TNS3: variants seen among roughly 807,000 people sequenced by gnomAD.
TNS3 encodes tensin 3.
Under a neutral mutation model 140.9 loss-of-function variants are expected in TNS3, and 45 were observed. The ratio of observed to expected loss-of-function variants is 0.32; its 90% confidence interval spans 0.25 to 0.41. TNS3 has a LOEUF of 0.41. Ranked by LOEUF, TNS3 falls within the 10% of genes least tolerant of loss-of-function variation. The probability of loss-of-function intolerance (pLI) is 1.00; values close to 1 mark genes in which losing one functional copy is unlikely to be tolerated. For missense variants in TNS3, 1,716 were observed against 1,906.7 expected, an observed-to-expected ratio of 0.90 and a Z score of 1.86; for synonymous variants, 815 against 788.4, an observed-to-expected ratio of 1.03 and a Z score of -0.56.
intron 4 of TNS3, among the ~76,000 whole-genome samples, chr7:47,443,828 C>T (rs1795588573): frequency 6.6e-6 from 1 of 151,996 alleles, no homozygotes; most frequent in Non-Finnish European, 1.5e-5. Flanking sequence ...GGCTGAGGCA[C>T]AAGAATCACT....
At chr7:47,501,111 G>A (rs1798199173) in intron 3 of TNS3, among the ~76,000 whole-genome samples, 1 of 144,076 alleles carries the variant, frequency 6.9e-6, no homozygotes, top group Non-Finnish European at 1.5e-5. Context: ...GAGAAAGGGA[G>A]AAAGGGAGAA....
intron 17 of TNS3, among the ~76,000 whole-genome samples, chr7:47,361,442 G>T (rs551346392): frequency 6.6e-6 from 1 of 152,208 alleles, no homozygotes; most frequent in African/African-American, 2.4e-5. Flanking sequence ...ACAAGGCCTG[G>T]CTGAGAGGCT....
chr7:47,519,981 A>G (rs1798914717), intron 2 of TNS3, among the ~76,000 whole-genome samples: 1 of 150,324 alleles, frequency 6.7e-6, no homozygotes, highest in African/African-American at 2.4e-5. Flanking sequence ...CCGCCACCAC[A>G]CCTGCTAATT....
intron 3 of TNS3, among the ~76,000 whole-genome samples, chr7:47,503,423 C>T (rs1798300321): frequency 6.6e-6 from 1 of 152,060 alleles, no homozygotes; most frequent in Admixed American, 6.5e-5. Context: ...ATTTCTCCTA[C>T]TTCTTTTTTC....
intron 20 of TNS3, among the ~76,000 whole-genome samples, chr7:47,311,676 T>C (rs1246536551): frequency 1.3e-5 from 2 of 152,026 alleles, no homozygotes; most frequent in African/African-American, 4.8e-5. Context: ...TGAGAAATGA[T>C]TCTTAAAAAT....
chr7:47,301,854 C>A (rs938461449), intron 23 of TNS3, among the ~76,000 whole-genome samples: 1 of 152,164 alleles, frequency 6.6e-6, no homozygotes, highest in Non-Finnish European at 1.5e-5. Flanking sequence ...GAGTGTGTCT[C>A]CTCCTCACAG....
chr7:47,311,438 G>A (rs923744542), intron 20 of TNS3, among the ~76,000 whole-genome samples: 1 of 132,914 alleles, frequency 7.5e-6, no homozygotes, highest in Non-Finnish European at 1.6e-5. Flanking sequence ...GTGTGTGTGT[G>A]TATACATATA....
chr7:47,422,133 T>C (rs1794405573), intron 10 of TNS3, among the ~76,000 whole-genome samples: 1 of 152,210 alleles, frequency 6.6e-6, no homozygotes, highest in Admixed American at 6.5e-5. Flanking sequence ...TTGGTGAGCA[T>C]CTTTTCATGC....
chr7:47,327,724 C>T (rs1215740760), intron 20 of TNS3, among the ~76,000 whole-genome samples: 2 of 152,176 alleles, frequency 1.3e-5, no homozygotes, highest in African/African-American at 4.8e-5. Context: ...AAAGCCTTGG[C>T]GACTTGAGAA....
In TNS3 at chr7:47,448,549, G is replaced by A. The variant is rs541542560; in HGVS notation, c.-75-6494C>T. Among the ~76,000 whole-genome samples the A allele has an allele frequency of 4.2e-4, 61 of 146,004 alleles. No homozygotes were observed. The South Asian group carries it at 6.6e-3, about 16-fold the overall frequency. ...GGCTGGAATGGAGTGGCACGATCTC[G>A]GCTCACTGCAACCTCTGCCTCCTGG... On this transcript the variant is annotated intron_variant, in intron 4 of 30. Coordinates refer to ENST00000311160, the MANE Select transcript of TNS3 (RefSeq NM_022748.12).
chr7:47,546,237 A>ATGAGGCGC (rs1209092589), intron 1 of TNS3, among the ~76,000 whole-genome samples: 1 of 152,192 alleles, frequency 6.6e-6, no homozygotes, highest in East Asian at 1.9e-4. Flanking sequence ...AAAGCTTCTA[A>ATGAGGCGC]TGAGGCGCTG....
intron 1 of TNS3, among the ~76,000 whole-genome samples, chr7:47,557,729 ACCACC>A (rs1432853407): frequency 6.6e-6 from 1 of 152,152 alleles, no homozygotes; most frequent in Non-Finnish European, 1.5e-5. Context: ...TTTAACCATC[ACCACC>A]ACTGGGGTGG....
chr7:47,570,712 C>T (rs1052608022), intron 1 of TNS3, among the ~76,000 whole-genome samples: 1 of 152,240 alleles, frequency 6.6e-6, no homozygotes, highest in African/African-American at 2.4e-5. Context: ...ATTGGGAGGC[C>T]AGCCCCTGGC....
At chr7:47,413,815 T>C in intron 12 of TNS3, 122 bp downstream of exon 12, 1 of 1,242,014 alleles carries the variant, frequency 8.1e-7, no homozygotes, top group South Asian at 1.4e-5. Context: ...CTTTGGCTTC[T>C]TGGCATTCTC....
chr7:47,324,577 C>T (rs996481368), intron 20 of TNS3, among the ~76,000 whole-genome samples: 2 of 152,098 alleles, frequency 1.3e-5, no homozygotes, highest in African/African-American at 4.8e-5. Context: ...CATGGTGAAA[C>T]CCCATCTCTA....
intron 30 of TNS3, chr7:47,279,911 C>A: frequency 1.8e-6 from 1 of 554,970 alleles, no homozygotes; most frequent in South Asian, 2.1e-5. Flanking sequence ...CCATCCATCT[C>A]CCTGTATCTA....
rs777369404 is a variant in TNS3 at position 47,413,948 on chromosome 7, G to A, written c.636C>T (p.Thr212=). 7.4e-6 allele frequency: 12 copies of A among 1,613,930 alleles called. No individual in the cohort carries two copies. Among genetic ancestry groups the A allele is most frequent in the East Asian group, 2.2e-5 (1 of 44,850 alleles). The change falls in exon 12 of 31, where the codon ACC becomes ACT. Residue 212 remains threonine, a synonymous_variant. Transcript: ENST00000311160. Reference sequence around the variant, plus strand: ...GCAGCAGCACTCACTAGATCCCGGAGGTGTACACAGGCTGCATGGCTTGGT... The same window carrying A: ...GCAGCAGCACTCACTAGATCCCGGAAGTGTACACAGGCTGCATGGCTTGGT... ...KLYQAMQPVY[T]SGIYNVGPEN...
intron 1 of TNS3, among the ~76,000 whole-genome samples, chr7:47,553,580 G>T (rs1800116460): frequency 6.6e-6 from 1 of 152,192 alleles, no homozygotes; most frequent in African/African-American, 2.4e-5. Context: ...TAAGCTCACT[G>T]TTGAGACTTA....
rs954338623 is a variant in TNS3 at position 47,377,004 on chromosome 7, G to C, written c.1025-7383C>G. ...CACCCATGGTACCAGCAGCCCCATC[G>C]GGGTCAGGAGCCATGGATATGCCAG... is the stretch of plus-strand genomic sequence containing the variant. On this transcript the variant is annotated intron_variant, in intron 16 of 30. Transcript: ENST00000311160. Among the ~76,000 whole-genome samples, 13 of 152,088 alleles carry C rather than the reference G, an allele frequency of 8.5e-5. No individual in the cohort carries two copies. In the South Asian group the frequency reaches 2.3e-3, roughly 27 times the overall value.
Sources: gnomAD v4.1 joint callset for allele counts (sites outside exome capture counted in the v4.1 genomes callset) on GRCh38, gnomAD v4.1.1 for gene constraint, MANE v1.5 for transcripts, NCBI Gene and HGNC (gene_info 2026-07-23, HGNC 2026-07-21) for gene names.